ACACA: variants seen among roughly 807,000 people sequenced by gnomAD.
ACACA encodes the protein acetyl-CoA carboxylase 1.
In ACACA, 103 loss-of-function variants were observed where a neutral mutation model predicts 296.1. That is an observed-to-expected ratio of 0.35 (90% CI 0.30 to 0.41). The LOEUF (loss-of-function observed/expected upper bound fraction) is 0.41. Ranked by LOEUF, ACACA falls within the 10% of genes least tolerant of loss-of-function variation. The pLI, the probability that ACACA is intolerant of heterozygous loss-of-function variation, is 1.00. For missense variants in ACACA, 1,554 were observed against 2,989.7 expected, an observed-to-expected ratio of 0.52 and a Z score of 11.20; for synonymous variants, 953 against 1,038.6, an observed-to-expected ratio of 0.92 and a Z score of 1.58.
chr17:37,343,405 C>T (rs1228401027), intron 1 of ACACA, among the ~76,000 whole-genome samples: 4 of 152,170 alleles, frequency 2.6e-5, no homozygotes, highest in Non-Finnish European at 4.4e-5. Context: ...TTTTCATAGC[C>T]ACTGATAAAA....
chr17:37,246,681 C>G, intron 19 of ACACA, 145 bp downstream of exon 19: 3 of 1,081,426 alleles, frequency 2.8e-6, no homozygotes. Flanking sequence ...GATCTTCCTG[C>G]CTCAGCCTCC....
chr17:37,129,262 G>T, intron 47 of ACACA, 103 bp downstream of exon 47: 1 of 1,511,758 alleles, frequency 6.6e-7, no homozygotes, highest in Non-Finnish European at 9.2e-7. Flanking sequence ...ACTTACCTCT[G>T]TTTTCTTAGT....
intron 29 of ACACA, among the ~76,000 whole-genome samples, chr17:37,213,288 G>A (rs1453308941): frequency 6.7e-6 from 1 of 149,126 alleles, no homozygotes; most frequent in Non-Finnish European, 1.5e-5. Context: ...CCAGGAGGCT[G>A]AGGTTGCAGT....
At chr17:37,307,258 C>G (rs2083926686) in intron 3 of ACACA, among the ~76,000 whole-genome samples, 4 of 152,180 alleles carry the variant, frequency 2.6e-5, no homozygotes, top group Admixed American at 2.6e-4. Flanking sequence ...AAATTGCTCA[C>G]TAGTGAGGTA....
chr17:37,234,871 T>C lies in ACACA; in HGVS notation c.3246+104A>G, dbSNP rs1567857876. On this transcript the variant is annotated intron_variant, in intron 25 of 55. Coordinates refer to ENST00000616317, the MANE Select transcript of ACACA (RefSeq NM_198834.3). ...TCAAGCCCCATTCATCCCATAATTA[T>C]AAAAGGCAGTAGTTTTTTTTCTCTG... 18 of 1,311,568 alleles carry C rather than the reference T, an allele frequency of 1.4e-5. No individual in the cohort carries two copies. In the East Asian group the frequency reaches 2.6e-4, roughly 19 times the overall value. 81.2% of individuals were successfully genotyped at this position (1,311,568 alleles called of 1,614,324 possible). A position where few individuals can be genotyped will look rare whatever the true frequency, so the allele number is the denominator to read the frequency against.
intron 35 of ACACA, among the ~76,000 whole-genome samples, chr17:37,199,274 CT>C: frequency 6.6e-6 from 1 of 150,402 alleles, no homozygotes; most frequent in South Asian, 2.2e-4. Flanking sequence ...AAAAAAAAGA[CT>C]TCTTAACATC....
intron 51 of ACACA, 73 bp from the exon 52 acceptor site, chr17:37,111,716 C>A: frequency 8.7e-7 from 1 of 1,145,218 alleles, no homozygotes; most frequent in East Asian, 2.3e-5. Flanking sequence ...AGAATGAGGC[C>A]AGTTACAATT....
At chr17:37,338,518 G>A (rs781439398) in intron 2 of ACACA, among the ~76,000 whole-genome samples, 4 of 151,302 alleles carry the variant, frequency 2.6e-5, no homozygotes, top group East Asian at 2.0e-4. Context: ...TTAGCCGAGC[G>A]TGGCGCATGC....
intron 5 of ACACA, among the ~76,000 whole-genome samples, chr17:37,279,372 C>T (rs1245830186): frequency 1.3e-5 from 2 of 152,142 alleles, no homozygotes; most frequent in South Asian, 2.1e-4. Flanking sequence ...CAGTGGCTCA[C>T]GCCTGTAATC....
At chr17:37,389,342 C>G (rs1001933226) in intron 1 of ACACA, 3 of 1,589,780 alleles carry the variant, frequency 1.9e-6, no homozygotes, top group Admixed American at 3.6e-5. Context: ...TGAATCCAAG[C>G]CTGACTCTCA....
At chr17:37,188,977 C>G (rs2077643146) in intron 38 of ACACA, among the ~76,000 whole-genome samples, 1 of 152,152 alleles carries the variant, frequency 6.6e-6, no homozygotes, top group Admixed American at 6.5e-5. Context: ...ATATATGTCT[C>G]TTGGTAAATT....
chr17:37,244,745 CA>C lies in ACACA; in HGVS notation c.2596-12del. The C allele has an allele frequency of 6.2e-7, 1 of 1,614,132 alleles. No homozygotes were observed. The highest frequency in any genetic ancestry group is 1.1e-5 in the South Asian group (1 of 91,080). On this transcript the variant is annotated splice_polypyrimidine_tract_variant and intron_variant, in intron 20 of 55. Transcript: ENST00000616317. ...TGTGTGAAGTTCAGCCTGTCAACCCCAACAAGAGATCAAGTCATCTACTACT... is the reference window on the plus strand; with the variant it reads ...TGTGTGAAGTTCAGCCTGTCAACCCCACAAGAGATCAAGTCATCTACTACT...
At chr17:37,136,937 C>T (rs1015262051) in intron 45 of ACACA, among the ~76,000 whole-genome samples, 11 of 148,764 alleles carry the variant, frequency 7.4e-5, no homozygotes, top group African/African-American at 2.0e-4. Flanking sequence ...AGCGAGACTC[C>T]GTCTCAAAAA....
chr17:37,330,279 G>T lies in ACACA; in HGVS notation c.232C>A (p.Leu78Ile). The change falls in exon 3 of 56, where the codon CTA (leucine) becomes ATA (isoleucine). Residue 78 changes from leucine to isoleucine, a missense_variant. Around this residue, in one of 16 missense-constraint regions of ACACA, gnomAD observed 140 missense variants for 147.7 expected, o/e 0.95. Transcript: ENST00000616317. ...AAGGAGCCCTCCTTCTCCTCCAGTA[G>T]GTCCAACTTCACCAGGTTGCTGATC... The part of the protein sequence containing the change: ...DEISNLVKLD[L>I]LEEKEGSLSP... 6.2e-7 allele frequency: 1 copy of T among 1,614,168 alleles called. No homozygotes were observed. Among genetic ancestry groups the T allele is most frequent in the East Asian group, 2.2e-5 (1 of 44,878 alleles).
chr17:37,149,757 G>A (rs959773338), intron 45 of ACACA, 107 bp downstream of exon 45: 10 of 965,704 alleles, frequency 1.0e-5, no homozygotes, highest in Non-Finnish European at 1.7e-5. Flanking sequence ...ATAGACTGAG[G>A]AAGGCACGGA....
chr17:37,255,062 C>T (rs2081165913), intron 14 of ACACA, among the ~76,000 whole-genome samples: 1 of 151,268 alleles, frequency 6.6e-6, no homozygotes, highest in South Asian at 2.1e-4. Context: ...GATCGTGCCA[C>T]TGCACTCCAG....
chr17:37,135,750 G>A (rs1392519554), intron 45 of ACACA, among the ~76,000 whole-genome samples: 1 of 152,152 alleles, frequency 6.6e-6, no homozygotes, highest in African/African-American at 2.4e-5. Flanking sequence ...TAATGTAAAA[G>A]ATAGAGAGGA....
intron 28 of ACACA, among the ~76,000 whole-genome samples, chr17:37,222,535 C>G (rs1464996437): frequency 6.6e-6 from 1 of 152,128 alleles, no homozygotes; most frequent in Non-Finnish European, 1.5e-5. Context: ...GTCAGTCCAA[C>G]CTCACACATT....
chr17:37,289,409 T>TTGAAAATCA, intron 3 of ACACA: 2 of 1,329,180 alleles, frequency 1.5e-6, no homozygotes, highest in Non-Finnish European at 2.0e-6. Context: ...GCTAAGGAAG[T>TTGAAAATCA]ACCCACACCT....
Sources: allele counts gnomAD v4.1 joint callset (sites outside exome capture counted in the v4.1 genomes callset), GRCh38; gene constraint gnomAD v4.1.1; regional missense constraint gnomAD v4.1.1; transcripts MANE v1.5; gene names NCBI Gene and HGNC (gene_info 2026-07-23, HGNC 2026-07-21).